Variants in PTPRD observed in about 807,000 individuals in gnomAD.
PTPRD encodes receptor-type tyrosine-protein phosphatase delta.
In PTPRD, 34 loss-of-function variants were observed where a neutral mutation model predicts 214.5. The observed-to-expected ratio is 0.16, with a 90% CI of 0.12 to 0.21. The LOEUF (loss-of-function observed/expected upper bound fraction) is 0.21, where lower values mean the gene tolerates loss of function less well. Among genes scored for constraint, PTPRD ranks in the 10% least tolerant of loss-of-function variants. PTPRD has a pLI of 1.00. For missense variants in PTPRD, 2,545 were observed against 2,398.7 expected, an observed-to-expected ratio of 1.06 and a Z score of -1.27; for synonymous variants, 1,128 against 845.7, an observed-to-expected ratio of 1.33 and a Z score of -5.79.
intron 3 of PTPRD, among the ~76,000 whole-genome samples, chr9:10,321,300 C>G (rs1288060789): frequency 6.6e-6 from 1 of 151,952 alleles, no homozygotes; most frequent in Non-Finnish European, 1.5e-5. Context: ...GAAAACATCT[C>G]TGAGGAAATA....
At chr9:10,363,193 A>T (rs921756757) in intron 2 of PTPRD, among the ~76,000 whole-genome samples, 26 of 152,294 alleles carry the variant, frequency 1.7e-4, no homozygotes, top group Admixed American at 4.6e-4. Context: ...GCAGATTATG[A>T]TTTGGAGGTT....
chr9:10,351,915 T>G (rs956253029), intron 2 of PTPRD, among the ~76,000 whole-genome samples: 3 of 151,976 alleles, frequency 2.0e-5, no homozygotes, highest in Non-Finnish European at 2.9e-5. Context: ...CAAACCTCCT[T>G]AGGAAAATGT....
At chr9:10,402,421 C>G (rs1201208672) in intron 2 of PTPRD, among the ~76,000 whole-genome samples, 1 of 151,646 alleles carries the variant, frequency 6.6e-6, no homozygotes, top group Non-Finnish European at 1.5e-5. Context: ...TGTTTTATAT[C>G]TACTGAGCAT....
chr9:8,550,211 G>A (rs2081596537), intron 14 of PTPRD, among the ~76,000 whole-genome samples: 1 of 151,950 alleles, frequency 6.6e-6, no homozygotes, highest in Non-Finnish European at 1.5e-5. Context: ...CTTTTAAATA[G>A]GCCTACATTC....
At chr9:9,298,769 T>C (rs1181082103) in intron 9 of PTPRD, among the ~76,000 whole-genome samples, 2 of 151,746 alleles carry the variant, frequency 1.3e-5, no homozygotes, top group African/African-American at 4.8e-5. Flanking sequence ...ATTATTTACA[T>C]ATTGAATAAT....
chr9:9,462,709 G>T (rs1016087458), intron 8 of PTPRD, among the ~76,000 whole-genome samples: 1 of 151,966 alleles, frequency 6.6e-6, no homozygotes, highest in South Asian at 2.1e-4. Flanking sequence ...TACTTTTCCA[G>T]TTTGTGACCC....
At chr9:9,840,997 A>T (rs2058198565) in intron 5 of PTPRD, among the ~76,000 whole-genome samples, 1 of 152,096 alleles carries the variant, frequency 6.6e-6, no homozygotes, top group Non-Finnish European at 1.5e-5. Flanking sequence ...CTAGATCCAA[A>T]CACCATGCTT....
chr9:8,732,868 A>C (rs2098674917), intron 12 of PTPRD, among the ~76,000 whole-genome samples: 1 of 152,210 alleles, frequency 6.6e-6, no homozygotes, highest in Non-Finnish European at 1.5e-5. Flanking sequence ...ATTTAATCTC[A>C]CTGAAATAGT....
At chr9:9,125,825 A>G (rs1276296034) in intron 10 of PTPRD, among the ~76,000 whole-genome samples, 1 of 152,204 alleles carries the variant, frequency 6.6e-6, no homozygotes, top group Non-Finnish European at 1.5e-5. Context: ...AAAGAGTATC[A>G]TCAAATAAAG....
At position 8,514,639 on chromosome 9, in the gene PTPRD, T is replaced by C. The variant is rs1255493894; in HGVS notation, c.1543+3209A>G. Among the ~76,000 whole-genome samples, 3 of 152,098 alleles carry C rather than the reference T, an allele frequency of 2.0e-5. No homozygotes were observed. In the East Asian group the frequency reaches 5.8e-4, roughly 29 times the overall value. On this transcript the variant is annotated intron_variant, in intron 21 of 45. Transcript: ENST00000381196. ...TATGTATAATTCTTAGATAAATATA[T>C]GAATAAATGAAACAATTGCGTTTTT...
At chr9:10,517,147 T>C (rs1231182851) in intron 2 of PTPRD, among the ~76,000 whole-genome samples, 2 of 152,040 alleles carry the variant, frequency 1.3e-5, no homozygotes, top group Admixed American at 1.3e-4. Context: ...AATCTGTAGA[T>C]AATTTTAGGT....
chr9:9,064,254 G>C (rs10759036), intron 10 of PTPRD, among the ~76,000 whole-genome samples: 51,986 of 152,006 alleles, frequency 0.34, 10,366 homozygotes, highest in East Asian at 0.67. Flanking sequence ...TATTTTTAAA[G>C]ATACTATGTT....
chr9:9,622,084 T>A (rs528078154), intron 7 of PTPRD, among the ~76,000 whole-genome samples: 2 of 152,266 alleles, frequency 1.3e-5, no homozygotes, highest in East Asian at 3.9e-4. Context: ...AAACACAGAC[T>A]CTACATAGAA....
intron 11 of PTPRD, among the ~76,000 whole-genome samples, chr9:8,941,968 G>C (rs544002261): frequency 6.6e-6 from 1 of 152,082 alleles, no homozygotes; most frequent in South Asian, 2.1e-4. Flanking sequence ...ACCATGCCCA[G>C]CTAATTTTTG....
chr9:9,736,162 G>A lies in PTPRD; in HGVS notation c.-325-1591C>T, dbSNP rs1355661821. ...CTTGAACATATCATAGGATGTCATTGAATATATTGTACACTGTAATCTCAG... is the reference window on the plus strand; with the variant it reads ...CTTGAACATATCATAGGATGTCATTAAATATATTGTACACTGTAATCTCAG... On this transcript the variant is annotated intron_variant, in intron 6 of 45. Coordinates refer to ENST00000381196, the MANE Select transcript of PTPRD (RefSeq NM_002839.4). Among the ~76,000 whole-genome samples, 4 of 152,110 alleles carry A rather than the reference G, an allele frequency of 2.6e-5. No homozygotes were observed. The East Asian group carries it at 7.7e-4, about 29-fold the overall frequency.
intron 10 of PTPRD, among the ~76,000 whole-genome samples, chr9:9,046,972 C>G (rs557013571): frequency 1.3e-5 from 2 of 152,056 alleles, no homozygotes; most frequent in African/African-American, 4.8e-5. Context: ...TGGAAAAAGT[C>G]AAATAATCCT....
rs10816071 is a variant in PTPRD, at chr9:9,241,520, C to T, written c.-202-58157G>A. 1.1e-4 allele frequency among the ~76,000 whole-genome samples: 17 copies of T among 151,874 alleles called. 1 individual carries two copies. Among genetic ancestry groups the T allele is most frequent in the Non-Finnish European group, 2.1e-4 (14 of 67,982 alleles). On this transcript the variant is annotated intron_variant, in intron 9 of 45. Coordinates refer to ENST00000381196, the MANE Select transcript of PTPRD (RefSeq NM_002839.4). ...GGTAAACTTCAGAAAGGCAAGAAAG[C>T]GCACCTTGGAGAAACTGGTCTCATA... is the stretch of plus-strand genomic sequence containing the variant.
At chr9:10,157,870 A>G (rs115515622) in intron 3 of PTPRD, among the ~76,000 whole-genome samples, 3,683 of 151,900 alleles carry the variant, frequency 0.024, 103 homozygotes, top group African/African-American at 0.066. Flanking sequence ...TTCTTTGACT[A>G]TCTATTTTAG....
In PTPRD at chr9:9,403,369, C is replaced by A. The variant is rs571692556; in HGVS notation, c.-236-5887G>T. 6.8e-5 allele frequency among the ~76,000 whole-genome samples: 10 copies of A among 147,706 alleles called. No individual in the cohort carries two copies. The South Asian group carries it at 2.2e-3, about 32-fold the overall frequency. On this transcript the variant is annotated intron_variant, in intron 8 of 45. Coordinates refer to ENST00000381196, the MANE Select transcript of PTPRD (RefSeq NM_002839.4). ...GAATAATGTACGAATTGTGATATCA[C>A]ATGTATAAGTTGTGATACATTTCTA...
Sources: gnomAD v4.1 joint callset for allele counts (sites outside exome capture counted in the v4.1 genomes callset) on GRCh38, gnomAD v4.1.1 for gene constraint, MANE v1.5 for transcripts, NCBI Gene and HGNC (gene_info 2026-07-23, HGNC 2026-07-21) for gene names.